The following ATP2B1 variants were observed in gnomAD, a reference collection of about 807,000 sequenced individuals.
ATP2B1 encodes the protein ATPase plasma membrane Ca2+ transporting 1, also known as plasma membrane calcium-transporting ATPase 1.
ATP2B1 carries 14 observed loss-of-function variants against 124.2 expected under a neutral mutation model. The observed-to-expected ratio is 0.11, with a 90% CI of 0.07 to 0.18. ATP2B1 has a LOEUF of 0.18. ATP2B1 is among the 10% of genes least tolerant of loss of function. The pLI is 1.00. For missense variants in ATP2B1, 763 were observed against 1,466.1 expected, an observed-to-expected ratio of 0.52 and a Z score of 7.83; for synonymous variants, 449 against 492.4, an observed-to-expected ratio of 0.91 and a Z score of 1.17.
At chr12:89,707,170 A>G (rs1892563357) in intron 1 of ATP2B1, among the ~76,000 whole-genome samples, 1 of 152,148 alleles carries the variant, frequency 6.6e-6, no homozygotes, top group Admixed American at 6.5e-5. Flanking sequence ...CACCCCTGCC[A>G]CACACAAGGA....
At chr12:89,650,459 C>T (rs941130842) in intron 2 of ATP2B1, among the ~76,000 whole-genome samples, 4 of 152,148 alleles carry the variant, frequency 2.6e-5, no homozygotes, top group Admixed American at 6.5e-5. Context: ...CCTCAAAGAG[C>T]TCATAGTTTG....
chr12:89,685,735 CTA>C (rs1252704194), intron 1 of ATP2B1, among the ~76,000 whole-genome samples: 1 of 152,026 alleles, frequency 6.6e-6, no homozygotes, highest in Non-Finnish European at 1.5e-5. Flanking sequence ...CCTAAAATTC[CTA>C]TGTTAAAGCC....
intron 1 of ATP2B1, among the ~76,000 whole-genome samples, chr12:89,678,116 C>T (rs192100098): frequency 6.6e-6 from 1 of 151,454 alleles, no homozygotes; most frequent in East Asian, 1.9e-4. Flanking sequence ...GATTTTTACA[C>T]ACTGACTACA....
At chr12:89,591,340 C>A (rs753819762) in intron 20 of ATP2B1, 45 bp from the exon 21 acceptor site, 33 of 1,515,634 alleles carry the variant, frequency 2.2e-5, no homozygotes, top group Non-Finnish European at 2.9e-5. Context: ...ACACTATTAA[C>A]AACTTAAAAA....
intron 12 of ATP2B1, among the ~76,000 whole-genome samples, chr12:89,613,320 A>G (rs566366272): frequency 2.0e-5 from 3 of 152,176 alleles, no homozygotes; most frequent in Non-Finnish European, 4.4e-5. Flanking sequence ...AATGTAATTA[A>G]TTGCAATTTA....
chr12:89,641,798 C>A, intron 3 of ATP2B1: 1 of 164,230 alleles, frequency 6.1e-6, no homozygotes, highest in Non-Finnish European at 1.3e-5. Flanking sequence ...TGACATTTTC[C>A]AAAAGAAACC....
At chr12:89,650,418 A>G (rs1272184797) in intron 2 of ATP2B1, among the ~76,000 whole-genome samples, 1 of 152,068 alleles carries the variant, frequency 6.6e-6, no homozygotes, top group East Asian at 1.9e-4. Flanking sequence ...ACAAAGGGAA[A>G]TGACTCAGGA....
intron 15 of ATP2B1, among the ~76,000 whole-genome samples, chr12:89,606,687 C>T (rs1876950676): frequency 2.6e-5 from 4 of 151,236 alleles, no homozygotes; most frequent in Admixed American, 2.0e-4. Flanking sequence ...CATTCTCCTG[C>T]CTCAGCCTCC....
At chr12:89,666,747 A>ACTCAGTCATATATGATC (rs1887358622) in intron 1 of ATP2B1, among the ~76,000 whole-genome samples, 1 of 152,138 alleles carries the variant, frequency 6.6e-6, no homozygotes, top group Admixed American at 6.5e-5. Flanking sequence ...TGATCCACGG[A>ACTCAGTCATATATGATC]CATATCTCTA....
chr12:89,696,110 AT>A (rs1161362203), intron 1 of ATP2B1, among the ~76,000 whole-genome samples: 2 of 152,210 alleles, frequency 1.3e-5, no homozygotes, highest in African/African-American at 4.8e-5. Context: ...CAAACTGAAC[AT>A]GTCACGGAAG....
chr12:89,683,634 T>C (rs890338443), intron 1 of ATP2B1, among the ~76,000 whole-genome samples: 4 of 152,178 alleles, frequency 2.6e-5, no homozygotes, highest in African/African-American at 9.7e-5. Flanking sequence ...CCCATGAAAG[T>C]TCCAGACAGT....
At chr12:89,701,341 T>C (rs548756924) in intron 1 of ATP2B1, among the ~76,000 whole-genome samples, 3 of 152,298 alleles carry the variant, frequency 2.0e-5, no homozygotes, top group Admixed American at 2.0e-4. Context: ...CCATTTATTA[T>C]CCCTTTGTCT....
intron 1 of ATP2B1, among the ~76,000 whole-genome samples, chr12:89,675,822 G>A (rs1265324353): frequency 6.6e-6 from 1 of 152,078 alleles, no homozygotes; most frequent in Non-Finnish European, 1.5e-5. Flanking sequence ...ACTTTCTGGG[G>A]AAAGATACTA....
chr12:89,667,808 C>A (rs138783178), intron 1 of ATP2B1, among the ~76,000 whole-genome samples: 1 of 152,218 alleles, frequency 6.6e-6, no homozygotes, highest in South Asian at 2.1e-4. Context: ...AATGGCCATA[C>A]TGCTGAAAGC....
chr12:89,642,558 C>T (rs1219636369), intron 2 of ATP2B1, among the ~76,000 whole-genome samples: 1 of 152,132 alleles, frequency 6.6e-6, no homozygotes, highest in Non-Finnish European at 1.5e-5. Flanking sequence ...TAGGACTGCA[C>T]TAAGAATTTT....
intron 2 of ATP2B1, among the ~76,000 whole-genome samples, chr12:89,653,460 C>T (rs1481143622): frequency 2.0e-5 from 3 of 151,214 alleles, no homozygotes; most frequent in Non-Finnish European, 2.9e-5. Flanking sequence ...CCGCGCCCGG[C>T]TAATTTTTTT....
At chr12:89,608,882 C>T (rs1877469304) in intron 15 of ATP2B1, among the ~76,000 whole-genome samples, 1 of 152,150 alleles carries the variant, frequency 6.6e-6, no homozygotes, top group African/African-American at 2.4e-5. Flanking sequence ...TCTTCAGAAG[C>T]TCCTACCAAT....
intron 1 of ATP2B1, among the ~76,000 whole-genome samples, chr12:89,682,690 C>G (rs993291762): frequency 6.6e-6 from 1 of 152,096 alleles, no homozygotes; most frequent in Non-Finnish European, 1.5e-5. Context: ...ATTTCTTATA[C>G]CACATCAGAA....
chr12:89,687,190 A>G (rs938731838), intron 1 of ATP2B1, among the ~76,000 whole-genome samples: 1 of 152,154 alleles, frequency 6.6e-6, no homozygotes, highest in African/African-American at 2.4e-5. Context: ...AGGACAAACC[A>G]CAGATTTGAT....
Sources: allele counts gnomAD v4.1 joint callset (sites outside exome capture counted in the v4.1 genomes callset), GRCh38; gene constraint gnomAD v4.1.1; transcripts MANE v1.5; gene names NCBI Gene and HGNC (gene_info 2026-07-23, HGNC 2026-07-21).